The following RICTOR variants were observed in gnomAD, a reference collection of about 807,000 sequenced individuals.
RICTOR encodes rapamycin-insensitive companion of mTOR.
In RICTOR, 49 loss-of-function variants were observed where a neutral mutation model predicts 214.9. The observed-to-expected ratio is 0.23, with a 90% CI of 0.18 to 0.29. The LOEUF is 0.29. Among genes scored for constraint, RICTOR ranks in the 10% least tolerant of loss-of-function variants. RICTOR has a pLI of 1.00. For missense variants in RICTOR, 1,625 were observed against 2,047.0 expected, an observed-to-expected ratio of 0.79 and a Z score of 3.98; for synonymous variants, 717 against 711.3, an observed-to-expected ratio of 1.01 and a Z score of -0.13.
chr5:38,948,968 T>C (rs948073870), intron 31 of RICTOR, among the ~76,000 whole-genome samples: 9 of 152,080 alleles, frequency 5.9e-5, no homozygotes, highest in Admixed American at 2.0e-4. Flanking sequence ...TGCTAAAGTA[T>C]TCTAACATAT....
intron 2 of RICTOR, among the ~76,000 whole-genome samples, chr5:39,073,428 C>G (rs1759470084): frequency 6.6e-6 from 1 of 152,136 alleles, no homozygotes; most frequent in Non-Finnish European, 1.5e-5. Context: ...GTAAACAAAC[C>G]CATCTCCACT....
intron 2 of RICTOR, among the ~76,000 whole-genome samples, chr5:39,030,981 T>C (rs1056858918): frequency 6.6e-6 from 1 of 152,136 alleles, no homozygotes; most frequent in Non-Finnish European, 1.5e-5. Context: ...GAGGGTGATA[T>C]GCATATAACG....
At chr5:38,957,062 G>C (rs554049440) in intron 25 of RICTOR, among the ~76,000 whole-genome samples, 3 of 152,032 alleles carry the variant, frequency 2.0e-5, no homozygotes, top group Non-Finnish European at 4.4e-5. Context: ...AAGATGCTTC[G>C]ATGACTTATA....
At chr5:39,041,101 T>C (rs1757134682) in intron 2 of RICTOR, among the ~76,000 whole-genome samples, 1 of 152,198 alleles carries the variant, frequency 6.6e-6, no homozygotes, top group Non-Finnish European at 1.5e-5. Context: ...GGGTTGTCAA[T>C]AAACAGTGGT....
rs1747744592 is a variant in RICTOR, at chr5:38,942,890, G to A, written c.4995C>T (p.Phe1665=). ...GTATGAACCTCCGACACGGAAGTCT[G>A]AATGTGCAGTGTGACAGCAAATGGG... ...EVSHLLSHCT[F]RLPCRRFIQE... is the part of the protein sequence containing the mutation. Residue 1665 remains phenylalanine (F), a synonymous_variant, in exon 37 of 38, where the codon TTC becomes TTT. Transcript: ENST00000357387. 4 of 1,610,246 alleles carry A rather than the reference G, an allele frequency of 2.5e-6. No individual in the cohort carries two copies. In the South Asian group the frequency reaches 3.3e-5, roughly 13 times the overall value.
At chr5:38,970,252 T>C (rs1204131052) in intron 11 of RICTOR, 1 of 152,190 alleles carries the variant, frequency 6.6e-6, no homozygotes, top group Non-Finnish European at 1.5e-5. Context: ...GATTATACCA[T>C]ATTTTGAAAC....
At chr5:38,962,409 A>G in intron 18 of RICTOR, 48 bp from the exon 19 acceptor site, 1 of 1,166,872 alleles carries the variant, frequency 8.6e-7, no homozygotes, top group East Asian at 2.4e-5. Flanking sequence ...ATCAATTCTC[A>G]CACATATAAG....
intron 10 of RICTOR, 29 bp from the exon 11 acceptor site, chr5:38,971,988 A>C (rs949502247): frequency 2.9e-6 from 3 of 1,022,132 alleles, no homozygotes; most frequent in Middle Eastern, 2.2e-4. Flanking sequence ...AAAAAAAATC[A>C]CTGACATGAA....
At chr5:38,985,648 C>T (rs986521709) in intron 7 of RICTOR, among the ~76,000 whole-genome samples, 1 of 152,072 alleles carries the variant, frequency 6.6e-6, no homozygotes, top group South Asian at 2.1e-4. Flanking sequence ...TCCCCACTGG[C>T]CCCAGTTTTT....
intron 2 of RICTOR, among the ~76,000 whole-genome samples, chr5:39,033,671 GGGGACTAGTAGTCA>G (rs2150154660): frequency 6.6e-6 from 1 of 151,936 alleles, no homozygotes; most frequent in East Asian, 1.9e-4. Flanking sequence ...AAGAGACACC[GGGGACTAGTAGTCA>G]GGGGAGGAGG....
chr5:39,031,677 C>T (rs1245826067), intron 2 of RICTOR, among the ~76,000 whole-genome samples: 1 of 152,136 alleles, frequency 6.6e-6, no homozygotes, highest in African/African-American at 2.4e-5. Context: ...ACAATGCATT[C>T]TATGATGTAT....
chr5:38,978,892 GCA>G (rs747860071), intron 8 of RICTOR, among the ~76,000 whole-genome samples: 14 of 152,072 alleles, frequency 9.2e-5, no homozygotes, highest in Non-Finnish European at 1.9e-4. Flanking sequence ...CTCAAACTAA[GCA>G]CACTCATGTA....
chr5:38,974,939 A>T (rs1196533920), intron 10 of RICTOR, among the ~76,000 whole-genome samples: 1 of 152,238 alleles, frequency 6.6e-6, no homozygotes, highest in East Asian at 1.9e-4. Flanking sequence ...TAAATCAAGA[A>T]GGAAGAAGAT....
At chr5:38,975,264 T>G (rs1243091096) in intron 10 of RICTOR, among the ~76,000 whole-genome samples, 1 of 152,154 alleles carries the variant, frequency 6.6e-6, no homozygotes, top group Non-Finnish European at 1.5e-5. Flanking sequence ...CATGCTTAAA[T>G]TTTTTTAATT....
chr5:39,028,985 C>A (rs1306210583), intron 2 of RICTOR, among the ~76,000 whole-genome samples: 1 of 152,058 alleles, frequency 6.6e-6, no homozygotes, highest in Middle Eastern at 3.2e-3. Flanking sequence ...GAAAAAGAAG[C>A]CAGACACAAG....
At chr5:39,016,085 A>G (rs906969985) in intron 3 of RICTOR, among the ~76,000 whole-genome samples, 1 of 152,190 alleles carries the variant, frequency 6.6e-6, no homozygotes, top group African/African-American at 2.4e-5. Context: ...TCACTCTTAG[A>G]ATAGACAAAT....
chr5:38,962,833 AGAT>A, intron 17 of RICTOR, 40 bp downstream of exon 17: 1 of 1,511,626 alleles, frequency 6.6e-7, no homozygotes. Context: ...TAAGGAATTA[AGAT>A]GTTGTGTTTA....
Position 38,958,672 on chromosome 5 carries a change from C to A in RICTOR, c.2338G>T (p.Asp780Tyr), listed in dbSNP as rs1749527409. ...TATAAAAAATGAACCTTTACCTTGTCTTCACATGCTTCATCGAGGATATCA... is the reference window on the plus strand; with the variant it reads ...TATAAAAAATGAACCTTTACCTTGTATTCACATGCTTCATCGAGGATATCA... ...ALDILDEACE[D>Y]KANLHALIQM... The change falls in exon 23 of 38, where the codon GAC (aspartate) becomes TAC (tyrosine). Residue 780 changes from aspartate (D) to tyrosine (Y), a missense_variant. Asp to Tyr is a radical substitution (Grantham distance 160). Around this residue, in one of 5 missense-constraint regions of RICTOR, gnomAD observed 1,214 missense variants for 1,470.5 expected, o/e 0.83. Transcript: ENST00000357387. 1 of 1,596,348 alleles carries A rather than the reference C, an allele frequency of 6.3e-7. No homozygotes were observed. Among genetic ancestry groups the A allele is most frequent in the Non-Finnish European group, 8.5e-7 (1 of 1,173,788 alleles).
intron 36 of RICTOR, 131 bp from the exon 37 acceptor site, chr5:38,943,102 T>G (rs374224225): frequency 9.2e-6 from 5 of 542,986 alleles, no homozygotes; most frequent in East Asian, 8.6e-5. Context: ...GGGTGATGAC[T>G]TGAGAATATA....
Sources: allele counts gnomAD v4.1 joint callset (sites outside exome capture counted in the v4.1 genomes callset), GRCh38; gene constraint gnomAD v4.1.1; regional missense constraint gnomAD v4.1.1; transcripts MANE v1.5; gene names NCBI Gene and HGNC (gene_info 2026-07-23, HGNC 2026-07-21).